Variants in GNG12 observed in about 807,000 individuals in gnomAD.
The protein encoded by GNG12 is guanine nucleotide-binding protein G(I)/G(S)/G(O) subunit gamma-12.
For synonymous variants in GNG12, 28 were observed against 29.7 expected (o/e 0.94, Z 0.19); for missense variants, 69 against 83.8 (o/e 0.82, Z 0.69).
intron 1 of GNG12, among the ~76,000 whole-genome samples, chr1:67,790,677 T>G (rs1324142479): frequency 6.6e-6 from 1 of 151,198 alleles, no homozygotes; most frequent in Admixed American, 6.6e-5. Flanking sequence ...TGGCACTATC[T>G]CGGCTCTCTG....
At chr1:67,820,570 C>T (rs565633240) in intron 1 of GNG12, among the ~76,000 whole-genome samples, 1 of 152,294 alleles carries the variant, frequency 6.6e-6, no homozygotes, top group East Asian at 1.9e-4. Flanking sequence ...GCGGATGCCT[C>T]ACCTGTCACA....
chr1:67,780,631 G>A (rs1162220592), intron 1 of GNG12, among the ~76,000 whole-genome samples: 1 of 152,114 alleles, frequency 6.6e-6, no homozygotes, highest in Non-Finnish European at 1.5e-5. Flanking sequence ...TGATAAAAAC[G>A]CACCAGTATA....
chr1:67,822,067 A>AG, intron 1 of GNG12, among the ~76,000 whole-genome samples: 1 of 65,952 alleles, frequency 1.5e-5, no homozygotes, highest in African/African-American at 7.3e-5. Flanking sequence ...TGATGAGCTG[A>AG]AAAAAAAAAT....
Position 67,768,392 on chromosome 1 carries a change from T to C in GNG12, c.-27+9066A>G, listed in dbSNP as rs1646653881. ...TTTGATACTATAAAGAACTAGTGAGTTTCACAAGATAGTTATTTTTTAAAA... is the reference window on the plus strand; with the variant it reads ...TTTGATACTATAAAGAACTAGTGAGCTTCACAAGATAGTTATTTTTTAAAA... On this transcript the variant is annotated intron_variant, in intron 2 of 3. Transcript: ENST00000370982. Among the ~76,000 whole-genome samples the C allele has an allele frequency of 2.0e-5, 3 of 152,166 alleles. No individual in the cohort carries two copies. The South Asian group carries it at 6.2e-4, about 32-fold the overall frequency.
chr1:67,833,393 A>C lies in GNG12; in HGVS notation c.-126T>G, dbSNP rs1333551047. 1 of 985,076 alleles carries C rather than the reference A, an allele frequency of 1.0e-6. No homozygotes were observed. Among genetic ancestry groups the C allele is most frequent in the Non-Finnish European group, 1.2e-6 (1 of 830,120 alleles). 61.0% of individuals were successfully genotyped at this position (985,076 alleles called of 1,614,324 possible). On this transcript the variant is annotated 5_prime_UTR_variant, in exon 1 of 4. Transcript: ENST00000370982. ...CGTCGCCGCCGGGACTCGGTCTCTA[A>C]GGGCTCCTGGAGACGGCTCCGACCT...
intron 1 of GNG12, among the ~76,000 whole-genome samples, chr1:67,821,128 G>C (rs779055874): frequency 7.2e-5 from 11 of 152,168 alleles, no homozygotes; most frequent in Non-Finnish European, 1.2e-4. Flanking sequence ...TTCATGGTAG[G>C]CAGAAAGCTC....
At chr1:67,755,798 T>C (rs936399387) in intron 2 of GNG12, among the ~76,000 whole-genome samples, 1 of 152,156 alleles carries the variant, frequency 6.6e-6, no homozygotes, top group Non-Finnish European at 1.5e-5. Flanking sequence ...AGGACTTTTA[T>C]AATGTCCTAA....
At chr1:67,752,266 G>A (rs942800626) in intron 2 of GNG12, among the ~76,000 whole-genome samples, 8 of 152,158 alleles carry the variant, frequency 5.3e-5, no homozygotes, top group Admixed American at 1.3e-4. Flanking sequence ...TTTCCTTGGC[G>A]TTTCAGGATG....
intron 1 of GNG12, among the ~76,000 whole-genome samples, chr1:67,782,696 T>C (rs1456921267): frequency 6.6e-6 from 1 of 152,192 alleles, no homozygotes; most frequent in Non-Finnish European, 1.5e-5. Context: ...TCCTATTTCA[T>C]CACACTTTAA....
chr1:67,784,757 A>G (rs1031786673), intron 1 of GNG12, among the ~76,000 whole-genome samples: 3 of 152,200 alleles, frequency 2.0e-5, no homozygotes, highest in Non-Finnish European at 4.4e-5. Context: ...CAATTTTAAG[A>G]TAAGTATCTT....
chr1:67,783,803 A>G (rs1316623874), intron 1 of GNG12, among the ~76,000 whole-genome samples: 1 of 152,066 alleles, frequency 6.6e-6, no homozygotes, highest in Non-Finnish European at 1.5e-5. Context: ...GATCATTAAA[A>G]AGTCAGGAAA....
intron 1 of GNG12, among the ~76,000 whole-genome samples, chr1:67,788,416 C>T (rs575439853): frequency 2.6e-5 from 4 of 152,278 alleles, no homozygotes; most frequent in Admixed American, 1.3e-4. Context: ...CAGTTCCCTG[C>T]AGCCCCTACC....
intron 1 of GNG12, among the ~76,000 whole-genome samples, chr1:67,821,713 G>A (rs773909322): frequency 6.6e-6 from 1 of 151,840 alleles, no homozygotes; most frequent in Non-Finnish European, 1.5e-5. Flanking sequence ...TTGTTATAGC[G>A]GCCATAGAAA....
intron 2 of GNG12, among the ~76,000 whole-genome samples, chr1:67,767,975 C>T (rs1646651397): frequency 6.6e-6 from 1 of 152,176 alleles, no homozygotes; most frequent in Non-Finnish European, 1.5e-5. Flanking sequence ...TGGGCTCTTG[C>T]TACGTTGCGG....
intron 1 of GNG12, among the ~76,000 whole-genome samples, chr1:67,801,744 T>C (rs1363381594): frequency 6.6e-6 from 1 of 152,188 alleles, no homozygotes. Flanking sequence ...GGTGTGAATT[T>C]GGAGAAATTA....
chr1:67,786,040 G>C (rs1646765840), intron 1 of GNG12, among the ~76,000 whole-genome samples: 1 of 152,044 alleles, frequency 6.6e-6, no homozygotes, highest in South Asian at 2.1e-4. Flanking sequence ...AAAATTCACA[G>C]GAAATGATTA....
chr1:67,770,623 A>G (rs1289003053), intron 2 of GNG12, among the ~76,000 whole-genome samples: 2 of 152,152 alleles, frequency 1.3e-5, no homozygotes, highest in Admixed American at 1.3e-4. Flanking sequence ...CAACAGCAGC[A>G]GGAGGAGAGA....
intron 1 of GNG12, among the ~76,000 whole-genome samples, chr1:67,778,445 A>C (rs1646719035): frequency 6.6e-6 from 1 of 152,158 alleles, no homozygotes; most frequent in Non-Finnish European, 1.5e-5. Context: ...GACGCATATG[A>C]AGATCTTATT....
In GNG12 at chr1:67,770,135, T is replaced by C. The variant is rs191846421; in HGVS notation, c.-27+7323A>G. 9.2e-5 allele frequency among the ~76,000 whole-genome samples: 14 copies of C among 152,218 alleles called. No homozygotes were observed. The East Asian group carries it at 2.7e-3, about 29-fold the overall frequency. ...AGATGGGAAATTCCAAAGCAAGGGA[T>C]CTGATCATTATGCAGAAATTTCTAA... On this transcript the variant is annotated intron_variant, in intron 2 of 3. Transcript: ENST00000370982.
Sources: gnomAD v4.1 joint callset for allele counts (sites outside exome capture counted in the v4.1 genomes callset) on GRCh38, gnomAD v4.1.1 for gene constraint, MANE v1.5 for transcripts, NCBI Gene and HGNC (gene_info 2026-07-23, HGNC 2026-07-21) for gene names.